SYCP1: variants seen among roughly 807,000 people sequenced by gnomAD.
The protein encoded by SYCP1 is cancer/testis antigen 8.
Under a neutral mutation model 153.1 loss-of-function variants are expected in SYCP1, and 64 were observed. That is an observed-to-expected ratio of 0.42 (90% CI 0.34 to 0.51). SYCP1 has a LOEUF of 0.51. Ranked by LOEUF, SYCP1 falls within the 20% of genes least tolerant of loss-of-function variation. SYCP1 has a pLI of 0.06. For synonymous variants in SYCP1, 384 were observed against 341.8 expected (o/e 1.12, Z -1.36); for missense variants, 997 against 1,049.0 (o/e 0.95, Z 0.68).
chr1:114,903,639 G>A (rs75717821), intron 16 of SYCP1, among the ~76,000 whole-genome samples: 2,725 of 152,270 alleles, frequency 0.018, 172 homozygotes, highest in East Asian at 0.14. Flanking sequence ...CACTCCAGAT[G>A]ATTTTAGCAG....
intron 8 of SYCP1, among the ~76,000 whole-genome samples, chr1:114,865,030 G>T (rs1332824721): frequency 6.6e-6 from 1 of 151,928 alleles, no homozygotes; most frequent in Non-Finnish European, 1.5e-5. Flanking sequence ...TTTATCAGTT[G>T]GTGTCTTAAT....
intron 27 of SYCP1, among the ~76,000 whole-genome samples, chr1:114,957,125 T>G (rs1176445488): frequency 6.6e-6 from 1 of 152,150 alleles, no homozygotes; most frequent in Non-Finnish European, 1.5e-5. Context: ...AGTGCAATGG[T>G]ACAATCATAG....
chr1:114,918,697 G>T (rs190068545), intron 20 of SYCP1, among the ~76,000 whole-genome samples: 108 of 151,998 alleles, frequency 7.1e-4, no homozygotes, highest in Admixed American at 2.3e-3. Context: ...GCATTGTAAA[G>T]ATTTTTCACT....
rs1320263790 is a variant in SYCP1, at chr1:114,994,925, G to C, written c.2837G>C (p.Gly946Ala). Residue 946 changes from glycine to alanine, a missense_variant, in exon 32 of 32, where the codon GGA becomes GCA. Around this residue, in one of 2 missense-constraint regions of SYCP1, gnomAD observed 712 missense variants for 682.9 expected, o/e 1.04. Coordinates refer to ENST00000369522, the MANE Select transcript of SYCP1 (RefSeq NM_003176.4). Reference sequence around the variant, plus strand: ...ACCCCTGGATCTACACTGAAGTTTGGAGCTATAAGAAAAATGCGGGAGGAC... The same window carrying C: ...ACCCCTGGATCTACACTGAAGTTTGCAGCTATAAGAAAAATGCGGGAGGAC... ...LTTPGSTLKF[G>A]AIRKMREDRW... 2 of 1,608,926 alleles carry C rather than the reference G, an allele frequency of 1.2e-6. No individual in the cohort carries two copies. Among genetic ancestry groups the C allele is most frequent in the African/African-American group, 2.7e-5 (2 of 74,670 alleles).
intron 30 of SYCP1, among the ~76,000 whole-genome samples, chr1:114,991,975 T>A (rs1673956829): frequency 6.6e-6 from 1 of 151,820 alleles, no homozygotes; most frequent in Admixed American, 6.6e-5. Flanking sequence ...AATATCAACA[T>A]ACAAAAATTG....
At chr1:114,934,206 G>A (rs1026492867) in intron 23 of SYCP1, among the ~76,000 whole-genome samples, 10 of 152,092 alleles carry the variant, frequency 6.6e-5, no homozygotes, top group African/African-American at 2.2e-4. Context: ...GACTAACAGC[G>A]GATCTCTGGA....
At chr1:114,906,150 A>G (rs1431914605) in intron 16 of SYCP1, among the ~76,000 whole-genome samples, 1 of 151,950 alleles carries the variant, frequency 6.6e-6, no homozygotes, top group Admixed American at 6.6e-5. Context: ...TATTTTTAGT[A>G]GAGATGGGGT....
intron 27 of SYCP1, among the ~76,000 whole-genome samples, chr1:114,960,782 C>T (rs1671736699): frequency 6.6e-6 from 1 of 152,104 alleles, no homozygotes; most frequent in South Asian, 2.1e-4. Context: ...ATTTGTGCAT[C>T]TATGTTCATC....
chr1:114,958,226 G>A (rs1253183826), intron 27 of SYCP1, among the ~76,000 whole-genome samples: 1 of 152,130 alleles, frequency 6.6e-6, no homozygotes, highest in Admixed American at 6.5e-5. Context: ...TCATATGTGG[G>A]AGCTTAAAAA....
chr1:114,935,216 C>A (rs1669917423), intron 23 of SYCP1, among the ~76,000 whole-genome samples: 1 of 152,098 alleles, frequency 6.6e-6, no homozygotes, highest in African/African-American at 2.4e-5. Flanking sequence ...TCTCTCAGAC[C>A]ACAGTGCAAT....
At chr1:114,876,608 A>G in intron 10 of SYCP1, 129 bp from the exon 11 acceptor site, 1 of 399,332 alleles carries the variant, frequency 2.5e-6, no homozygotes, top group Non-Finnish European at 4.3e-6. Flanking sequence ...TTAGCTCATT[A>G]CAAACTTTTA....
At chr1:114,947,146 T>G (rs1316313583) in intron 26 of SYCP1, 100 bp from the exon 27 acceptor site, 1 of 867,432 alleles carries the variant, frequency 1.2e-6, no homozygotes, top group East Asian at 2.6e-5. Context: ...TGAATTTATT[T>G]CTCTACAATA....
chr1:114,898,178 C>G (rs1036422802), intron 16 of SYCP1, among the ~76,000 whole-genome samples: 3 of 152,126 alleles, frequency 2.0e-5, no homozygotes, highest in Non-Finnish European at 2.9e-5. Flanking sequence ...AGTTTGGGAC[C>G]AAAATGTGTC....
intron 23 of SYCP1, among the ~76,000 whole-genome samples, chr1:114,930,452 TG>T (rs546657255): frequency 4.3e-4 from 65 of 152,032 alleles, no homozygotes; most frequent in African/African-American, 1.4e-3. Context: ...TAAAATTCAC[TG>T]CAGGCAAGAA....
intron 8 of SYCP1, among the ~76,000 whole-genome samples, chr1:114,862,507 G>A (rs941388703): frequency 4.6e-5 from 7 of 151,922 alleles, no homozygotes; most frequent in Non-Finnish European, 8.8e-5. Flanking sequence ...CCACCACCAC[G>A]CTGGCTAATT....
At chr1:114,885,699 A>C (rs947747514) in intron 13 of SYCP1, 70 bp downstream of exon 13, 22 of 879,984 alleles carry the variant, frequency 2.5e-5, no homozygotes, top group Non-Finnish European at 5.2e-6. Flanking sequence ...TATTTATTAA[A>C]TACTAATACA....
Position 114,860,660 on chromosome 1 carries a change from A to G in SYCP1, c.525-76A>G, listed in dbSNP as rs941727282. On this transcript the variant is annotated intron_variant, in intron 7 of 31. Coordinates refer to ENST00000369522, the MANE Select transcript of SYCP1 (RefSeq NM_003176.4). ...AAAATTTCTTAAAAATTGTAACAATATATTTCATAACTTATATATTGTGAT... is the reference window on the plus strand; with the variant it reads ...AAAATTTCTTAAAAATTGTAACAATGTATTTCATAACTTATATATTGTGAT... 9 of 910,534 alleles carry G rather than the reference A, an allele frequency of 9.9e-6. No individual in the cohort carries two copies. The Admixed American group carries it at 1.1e-4, about 11-fold the overall frequency. 56.4% of individuals were successfully genotyped at this position (910,534 alleles called of 1,614,324 possible).
At chr1:114,966,353 G>A (rs913532515) in intron 27 of SYCP1, among the ~76,000 whole-genome samples, 1 of 151,884 alleles carries the variant, frequency 6.6e-6, no homozygotes, top group African/African-American at 2.4e-5. Flanking sequence ...CTTCAGTTCT[G>A]CTCTGATCTT....
chr1:114,984,824 G>T lies in SYCP1; in HGVS notation c.2659G>T (p.Glu887Ter). The change falls in exon 30 of 32, where the codon GAA becomes TAA. Residue 887 changes from glutamate to a stop codon, truncating the protein, a stop_gained. Transcript: ENST00000369522. LOFTEE classifies it high-confidence loss of function. ...ESKKKRKMAFEFDINSDSSET... is the reference protein window; with the variant it reads ...ESKKKRKMAF ...TAAAAAAAAGAGAAAAATGGCCTTT[G>T]AATTTGATATTAATTCAGATAGTTC... The T allele has an allele frequency of 6.7e-7, 1 of 1,489,030 alleles. No individual in the cohort carries two copies. The highest frequency in any genetic ancestry group is 1.4e-5 in the South Asian group (1 of 72,060). The allele number at this position is 1,489,030 out of a possible 1,614,324, so 92.2% of individuals were successfully genotyped here. A position where few individuals can be genotyped will look rare whatever the true frequency, so the allele number is the denominator to read the frequency against.
Sources: gnomAD v4.1 joint callset for allele counts (sites outside exome capture counted in the v4.1 genomes callset) on GRCh38, gnomAD v4.1.1 for gene constraint, gnomAD v4.1.1 regional missense constraint, MANE v1.5 for transcripts, NCBI Gene and HGNC (gene_info 2026-07-23, HGNC 2026-07-21) for gene names.